PLXNA4: variants seen among roughly 807,000 people sequenced by gnomAD.
PLXNA4 encodes the protein plexin-A4.
PLXNA4 carries 44 observed loss-of-function variants against 191.8 expected under a neutral mutation model. The observed-to-expected ratio is 0.23, with a 90% CI of 0.18 to 0.29. The LOEUF is 0.29. PLXNA4 is among the 10% of genes least tolerant of loss of function. The pLI, the probability that PLXNA4 is intolerant of heterozygous loss-of-function variation, is 1.00. For synonymous variants in PLXNA4, 1,082 were observed against 1,009.5 expected, an observed-to-expected ratio of 1.07 and a Z score of -1.36; for missense variants, 1,800 against 2,488.8, an observed-to-expected ratio of 0.72 and a Z score of 5.89.
chr7:132,599,307 A>G (rs868657062), intron 2 of PLXNA4, among the ~76,000 whole-genome samples: 1 of 152,220 alleles, frequency 6.6e-6, no homozygotes, highest in African/African-American at 2.4e-5. Flanking sequence ...TGCAACACAC[A>G]TATTGGTTAA....
chr7:132,233,770 G>T (rs904917570), intron 5 of PLXNA4, among the ~76,000 whole-genome samples: 2 of 152,236 alleles, frequency 1.3e-5, no homozygotes, highest in African/African-American at 4.8e-5. Context: ...TGCTGGGCTT[G>T]CAGCCTTCAT....
chr7:132,169,904 T>G (rs1796233984), intron 21 of PLXNA4, among the ~76,000 whole-genome samples: 1 of 152,016 alleles, frequency 6.6e-6, no homozygotes, highest in Non-Finnish European at 1.5e-5. Flanking sequence ...AAGGGGGAGC[T>G]TCTGAGAACA....
At chr7:132,302,635 A>T (rs1446679154) in intron 3 of PLXNA4, among the ~76,000 whole-genome samples, 1 of 151,266 alleles carries the variant, frequency 6.6e-6, no homozygotes, top group Non-Finnish European at 1.5e-5. Flanking sequence ...AGAAGCCATC[A>T]TCTTGGTCAA....
At chr7:132,309,493 C>A (rs892104172) in intron 3 of PLXNA4, among the ~76,000 whole-genome samples, 1 of 152,166 alleles carries the variant, frequency 6.6e-6, no homozygotes, top group Non-Finnish European at 1.5e-5. Context: ...AAGCCATGTT[C>A]ATCTCTGCCC....
intron 1 of PLXNA4, among the ~76,000 whole-genome samples, chr7:132,647,543 A>G (rs1803899548): frequency 6.6e-6 from 1 of 151,842 alleles, no homozygotes; most frequent in Non-Finnish European, 1.5e-5. Context: ...ACACACGTAC[A>G]CTCACATACT....
Position 132,370,464 on chromosome 7 carries a change from T to C in PLXNA4, c.1372-72242A>G, listed in dbSNP as rs1804391837. 5.3e-5 allele frequency among the ~76,000 whole-genome samples: 8 copies of C among 152,336 alleles called. No homozygotes were observed. In the South Asian group the frequency reaches 1.7e-3, roughly 32 times the overall value. On this transcript the variant is annotated intron_variant, in intron 3 of 31. Coordinates refer to ENST00000321063, the MANE Select transcript of PLXNA4 (RefSeq NM_020911.2). ...GCCTTTGGTGATGCTCTCCTGGCCT[T>C]ATTTAGAATTCTTAATGCTGGCAAA... is the stretch of plus-strand genomic sequence containing the variant.
chr7:132,206,918 T>C (rs1350037457), intron 10 of PLXNA4, among the ~76,000 whole-genome samples: 1 of 151,888 alleles, frequency 6.6e-6, no homozygotes, highest in Non-Finnish European at 1.5e-5. Context: ...GGCCGGGAGG[T>C]TAAGTGTCTC....
chr7:132,268,824 G>A (rs190727285), intron 4 of PLXNA4, among the ~76,000 whole-genome samples: 1 of 152,242 alleles, frequency 6.6e-6, no homozygotes, highest in Non-Finnish European at 1.5e-5. Flanking sequence ...TGGCCTTCCT[G>A]GTGAATGTGT....
At chr7:132,444,316 G>T (rs573403658) in intron 3 of PLXNA4, among the ~76,000 whole-genome samples, 1 of 152,206 alleles carries the variant, frequency 6.6e-6, no homozygotes, top group Non-Finnish European at 1.5e-5. Flanking sequence ...GCGCAATGGC[G>T]CCCTCTTGGC....
rs1176704389 is a variant in PLXNA4, at chr7:132,124,582, G to C, written c.*5897C>G. 1.3e-5 allele frequency: 2 copies of C among 152,258 alleles called. No homozygotes were observed. The highest frequency in any genetic ancestry group is 2.9e-5 in the Non-Finnish European group (2 of 68,050). The allele number at this position is 152,258 out of a possible 1,614,324, so 9.4% of individuals were successfully genotyped here. ...AAATTGCTGGAAGAAGAGCTGCATA[G>C]ACCAAGTCTACTTGCTTTTGCAATC... On this transcript the variant is annotated 3_prime_UTR_variant, in exon 32 of 32. Transcript: ENST00000321063.
At chr7:132,268,780 G>A (rs1799949909) in intron 4 of PLXNA4, among the ~76,000 whole-genome samples, 1 of 152,202 alleles carries the variant, frequency 6.6e-6, no homozygotes, top group Non-Finnish European at 1.5e-5. Flanking sequence ...TGCTTCCTCA[G>A]TTGACCAAGG....
chr7:132,140,849 G>T (rs1404722112), intron 29 of PLXNA4, 38 bp from the exon 30 acceptor site: 1 of 1,610,124 alleles, frequency 6.2e-7, no homozygotes. Flanking sequence ...AGGAAAGACG[G>T]GGCAGTGGGG....
intron 3 of PLXNA4, among the ~76,000 whole-genome samples, chr7:132,482,695 CTTT>C (rs11448338): frequency 1.6e-4 from 23 of 141,248 alleles, no homozygotes; most frequent in Non-Finnish European, 2.9e-4. Context: ...CTTCGAGAAA[CTTT>C]TTTTTTTTTT....
At chr7:132,614,400 G>C (rs1170104777) in intron 2 of PLXNA4, among the ~76,000 whole-genome samples, 2 of 152,226 alleles carry the variant, frequency 1.3e-5, no homozygotes, top group African/African-American at 4.8e-5. Context: ...GTGCCATAGC[G>C]GGAGTGGGTT....
At position 132,202,888 on chromosome 7, in the gene PLXNA4, C is replaced by T. The variant is rs759992865; in HGVS notation, c.2396-52G>A. The T allele has an allele frequency of 8.3e-6, 12 of 1,453,064 alleles. No homozygotes were observed. The South Asian group carries it at 1.3e-4, about 16-fold the overall frequency. 90.0% of individuals were successfully genotyped at this position (1,453,064 alleles called of 1,614,324 possible). A position where few individuals can be genotyped will look rare whatever the true frequency, so the allele number is the denominator to read the frequency against. ...GGGTGCTTGGGAATGGCAGTGGGGA[C>T]AGAAGGGGCCCAGAGAGAGACAAAG... On this transcript the variant is annotated intron_variant, in intron 11 of 31. Coordinates refer to ENST00000321063, the MANE Select transcript of PLXNA4 (RefSeq NM_020911.2).
chr7:132,538,748 T>C (rs1799950126), intron 1 of PLXNA4, among the ~76,000 whole-genome samples: 1 of 152,126 alleles, frequency 6.6e-6, no homozygotes, highest in Non-Finnish European at 1.5e-5. Flanking sequence ...GCCGCACCCC[T>C]TGTCCATTAT....
At chr7:132,197,596 T>C (rs938202145) in intron 13 of PLXNA4, among the ~76,000 whole-genome samples, 2 of 152,200 alleles carry the variant, frequency 1.3e-5, no homozygotes, top group African/African-American at 4.8e-5. Context: ...TAAGTGGTGA[T>C]GGACCAGAGA....
chr7:132,200,349 G>A (rs534984249), intron 12 of PLXNA4, among the ~76,000 whole-genome samples: 5 of 152,194 alleles, frequency 3.3e-5, no homozygotes, highest in Non-Finnish European at 7.3e-5. Flanking sequence ...CCGTTCCACA[G>A]AGCAGGTGTG....
In PLXNA4 at chr7:132,145,485, A is replaced by C. The variant is rs76104595; in HGVS notation, c.5056-197T>G. On this transcript the variant is annotated intron_variant, in intron 28 of 31. Coordinates refer to ENST00000321063, the MANE Select transcript of PLXNA4 (RefSeq NM_020911.2). Reference sequence around the variant, plus strand: ...TAACAGCTTTAAATTTCCCCTGCACATGGAAAAGAGATATAACACTGATGA... The same window carrying C: ...TAACAGCTTTAAATTTCCCCTGCACCTGGAAAAGAGATATAACACTGATGA... 13 of 720,016 alleles carry C rather than the reference A, an allele frequency of 1.8e-5. No individual in the cohort carries two copies. In the East Asian group the frequency reaches 3.7e-4, roughly 21 times the overall value. The allele number at this position is 720,016 out of a possible 1,614,324, so 44.6% of individuals were successfully genotyped here.
Sources: allele counts gnomAD v4.1 joint callset (sites outside exome capture counted in the v4.1 genomes callset), GRCh38; gene constraint gnomAD v4.1.1; transcripts MANE v1.5; gene names NCBI Gene and HGNC (gene_info 2026-07-23, HGNC 2026-07-21).